The following KCNMB2 variants were observed in gnomAD, a reference collection of about 807,000 sequenced individuals.
KCNMB2 encodes potassium calcium-activated channel subfamily M regulatory beta subunit 2, also known as calcium-activated potassium channel subunit beta-2.
KCNMB2 carries 9 observed loss-of-function variants against 24.5 expected under a neutral mutation model. That is an observed-to-expected ratio of 0.37 (90% confidence interval 0.22 to 0.64). The LOEUF is 0.64. KCNMB2 is among the 30% of genes least tolerant of loss of function. The pLI is 0.63. For missense variants in KCNMB2, 226 were observed against 284.3 expected, an observed-to-expected ratio of 0.79 and a Z score of 1.47; for synonymous variants, 109 against 104.4, an observed-to-expected ratio of 1.04 and a Z score of -0.27.
At chr3:178,748,564 T>C (rs982336985) in intron 1 of KCNMB2, 8 of 152,208 alleles carry the variant, frequency 5.3e-5, no homozygotes, top group African/African-American at 1.9e-4. Flanking sequence ...CAATCCTTTT[T>C]CCCACCCCTA....
intron 1 of KCNMB2, among the ~76,000 whole-genome samples, chr3:178,672,282 GGTA>G (rs1720926512): frequency 6.6e-6 from 1 of 152,144 alleles, no homozygotes; most frequent in Admixed American, 6.5e-5. Flanking sequence ...GGGTGCAGGA[GGTA>G]GTAGGGGGTA....
At chr3:178,754,843 TACAG>T (rs931298505) in intron 1 of KCNMB2, among the ~76,000 whole-genome samples, 32 of 152,338 alleles carry the variant, frequency 2.1e-4, no homozygotes, top group African/African-American at 7.7e-4. Context: ...CCTGCAGCTT[TACAG>T]ACAGCTTGTT....
chr3:178,639,874 T>C (rs903179843), intron 1 of KCNMB2, among the ~76,000 whole-genome samples: 4 of 152,250 alleles, frequency 2.6e-5, no homozygotes, highest in African/African-American at 9.6e-5. Flanking sequence ...TTAGTTTGCA[T>C]GTCTTGCATA....
chr3:178,713,636 C>A (rs527958424), intron 1 of KCNMB2, among the ~76,000 whole-genome samples: 1 of 152,142 alleles, frequency 6.6e-6, no homozygotes, highest in Non-Finnish European at 1.5e-5. Context: ...CTTCACCCCA[C>A]CCCCATAGGT....
At chr3:178,729,558 T>C (rs1020402607) in intron 1 of KCNMB2, among the ~76,000 whole-genome samples, 1 of 152,192 alleles carries the variant, frequency 6.6e-6, no homozygotes, top group Non-Finnish European at 1.5e-5. Context: ...TGTGGTGAGA[T>C]TTTCAATTAG....
intron 1 of KCNMB2, among the ~76,000 whole-genome samples, chr3:178,562,595 G>A (rs993043894): frequency 3.9e-5 from 6 of 152,194 alleles, no homozygotes; most frequent in African/African-American, 1.4e-4. Context: ...ATGCCTTGGT[G>A]CAAGTGGATT....
At chr3:178,742,955 A>G (rs1162239087) in intron 1 of KCNMB2, among the ~76,000 whole-genome samples, 4 of 152,126 alleles carry the variant, frequency 2.6e-5, no homozygotes, top group African/African-American at 9.7e-5. Flanking sequence ...TGTGGTATTC[A>G]GGGTAAGGTA....
intron 2 of KCNMB2, among the ~76,000 whole-genome samples, chr3:178,813,801 A>T (rs1258105642): frequency 6.6e-6 from 1 of 152,150 alleles, no homozygotes; most frequent in Non-Finnish European, 1.5e-5. Context: ...ATTTTCTCCC[A>T]TTTGGAAATT....
At chr3:178,632,395 A>C (rs1222322518) in intron 1 of KCNMB2, among the ~76,000 whole-genome samples, 3 of 152,228 alleles carry the variant, frequency 2.0e-5, no homozygotes, top group African/African-American at 7.2e-5. Context: ...TAATTGACTC[A>C]TGTCTCAGCA....
intron 1 of KCNMB2, among the ~76,000 whole-genome samples, chr3:178,627,443 G>A (rs12634739): frequency 0.17 from 26,528 of 152,108 alleles, 2,368 homozygotes; most frequent in East Asian, 0.24. Flanking sequence ...GACTGATGCT[G>A]AAACCTAACA....
At position 178,822,894 on chromosome 3, in the gene KCNMB2, T is replaced by A. The variant is rs1319848668; in HGVS notation, c.57-2694T>A. Among the ~76,000 whole-genome samples, 4 of 152,246 alleles carry A rather than the reference T, an allele frequency of 2.6e-5. No homozygotes were observed. In the East Asian group the frequency reaches 7.7e-4, roughly 29 times the overall value. Reference sequence around the variant, plus strand: ...TAAGTGATGCTGTGTGACAGTCTAATACCCTGGAATTGTGAGATTATGCTC... The same window carrying A: ...TAAGTGATGCTGTGTGACAGTCTAAAACCCTGGAATTGTGAGATTATGCTC... On this transcript the variant is annotated intron_variant, in intron 2 of 4. Coordinates refer to ENST00000452583, the MANE Select transcript of KCNMB2 (RefSeq NM_181361.3).
intron 1 of KCNMB2, among the ~76,000 whole-genome samples, chr3:178,583,047 T>A (rs1182074126): frequency 6.6e-6 from 1 of 152,200 alleles, no homozygotes; most frequent in African/African-American, 2.4e-5. Flanking sequence ...ATTTTCTATA[T>A]GTTCATTTGG....
chr3:178,777,843 T>C (rs74355382), intron 1 of KCNMB2, among the ~76,000 whole-genome samples: 21,623 of 152,206 alleles, frequency 0.14, 1,850 homozygotes, highest in Admixed American at 0.18. Flanking sequence ...AGTCATGGCA[T>C]GAGCTTAGGT....
chr3:178,683,011 A>G (rs1399817124), intron 1 of KCNMB2, among the ~76,000 whole-genome samples: 1 of 152,162 alleles, frequency 6.6e-6, no homozygotes, highest in Non-Finnish European at 1.5e-5. Context: ...AAAAGAAAAT[A>G]AATCTACCAA....
At position 178,634,604 on chromosome 3, in the gene KCNMB2, G is replaced by A. The variant is rs567957129; in HGVS notation, c.-68+97893G>A. Among the ~76,000 whole-genome samples, 31 of 152,138 alleles carry A rather than the reference G, an allele frequency of 2.0e-4. 1 individual carries two copies. The highest frequency in any genetic ancestry group is 7.5e-4 in the African/African-American group (31 of 41,486). ...CACCAGGTCCTTCCCATGATACATGGGATTATGGGGACTACAATTCAAGAT... is the reference window on the plus strand; with the variant it reads ...CACCAGGTCCTTCCCATGATACATGAGATTATGGGGACTACAATTCAAGAT... On this transcript the variant is annotated intron_variant, in intron 1 of 4. Transcript: ENST00000452583.
At chr3:178,540,209 G>T (rs1173755674) in intron 1 of KCNMB2, among the ~76,000 whole-genome samples, 1 of 152,122 alleles carries the variant, frequency 6.6e-6, no homozygotes, top group African/African-American at 2.4e-5. Context: ...TCTTTCTTTT[G>T]CACATCACAG....
intron 1 of KCNMB2, among the ~76,000 whole-genome samples, chr3:178,730,682 C>T (rs1723120094): frequency 6.6e-6 from 1 of 152,114 alleles, no homozygotes; most frequent in Non-Finnish European, 1.5e-5. Context: ...TGCCTGGTAC[C>T]ATTCCTTCCT....
At chr3:178,611,327 T>A (rs978820332) in intron 1 of KCNMB2, among the ~76,000 whole-genome samples, 1 of 152,208 alleles carries the variant, frequency 6.6e-6, no homozygotes, top group Non-Finnish European at 1.5e-5. Context: ...TTCTTTTGTA[T>A]TTCTCATTGT....
chr3:178,807,424 C>T lies in KCNMB2; in HGVS notation c.15C>T (p.Thr5=), dbSNP rs539905567. The change falls in exon 2 of 5, where the codon ACC becomes ACT. Residue 5 remains threonine, a synonymous_variant. Transcript: ENST00000452583. The part of the protein sequence containing the change: MFIW[T]SGRTSSSYRH... Reference sequence around the variant, plus strand: ...CATTCTCTAAGATGTTTATATGGACCAGTGGCCGGACCTCTTCATCTTATA... The same window carrying T: ...CATTCTCTAAGATGTTTATATGGACTAGTGGCCGGACCTCTTCATCTTATA... 67 of 1,613,666 alleles carry T rather than the reference C, an allele frequency of 4.2e-5. 1 individual carries two copies. In the South Asian group the frequency reaches 6.5e-4, roughly 16 times the overall value.
Sources: gnomAD v4.1 joint callset for allele counts (sites outside exome capture counted in the v4.1 genomes callset) on GRCh38, gnomAD v4.1.1 for gene constraint, MANE v1.5 for transcripts, NCBI Gene and HGNC (gene_info 2026-07-23, HGNC 2026-07-21) for gene names.